Variants in USP34 observed in about 807,000 individuals in gnomAD.
USP34 encodes ubiquitin carboxyl-terminal hydrolase 34.
USP34 carries 70 observed loss-of-function variants against 460.3 expected under a neutral mutation model. The ratio of observed to expected loss-of-function variants is 0.15; its 90% confidence interval spans 0.13 to 0.19. The LOEUF is 0.19. USP34 is among the 10% of genes least tolerant of loss of function. USP34 has a pLI of 1.00. For synonymous variants in USP34, 1,647 were observed against 1,405.3 expected, an observed-to-expected ratio of 1.17 and a Z score of -3.85; for missense variants, 3,985 against 4,236.2, an observed-to-expected ratio of 0.94 and a Z score of 1.65.
At chr2:61,455,407 A>T (rs930838693) in intron 1 of USP34, among the ~76,000 whole-genome samples, 2 of 152,082 alleles carry the variant, frequency 1.3e-5, no homozygotes, top group African/African-American at 4.8e-5. Flanking sequence ...CGAACTCCTG[A>T]GCTCAGGCAA....
At chr2:61,340,217 T>A (rs199889854) in intron 16 of USP34, among the ~76,000 whole-genome samples, 8 of 60,712 alleles carry the variant, frequency 1.3e-4, no homozygotes, top group African/African-American at 3.3e-4. Flanking sequence ...AAAAAAAACT[T>A]AACACTATTT....
In USP34 at chr2:61,287,494, G is replaced by T. The variant is rs545741865; in HGVS notation, c.4749+1183C>A. Among the ~76,000 whole-genome samples the T allele has an allele frequency of 2.6e-5, 4 of 152,280 alleles. No individual in the cohort carries two copies. The South Asian group carries it at 8.3e-4, about 32-fold the overall frequency. ...AGGTCTGAACTGCACAGATCCACTT[G>T]TATCTGGGTTTTCTCCCAACTCTGG... On this transcript the variant is annotated intron_variant, in intron 34 of 79. Coordinates refer to ENST00000398571, the MANE Select transcript of USP34 (RefSeq NM_014709.4).
intron 65 of USP34, 165 bp from the exon 66 acceptor site, chr2:61,221,771 G>T (rs189602515): frequency 3.7e-6 from 2 of 533,532 alleles, no homozygotes; most frequent in Non-Finnish European, 3.1e-6. Context: ...AAAGCAGCAG[G>T]ATCAGCGAGG....
At chr2:61,278,791 A>G (rs1689449974) in intron 39 of USP34, among the ~76,000 whole-genome samples, 2 of 152,092 alleles carry the variant, frequency 1.3e-5, no homozygotes, top group Admixed American at 6.6e-5. Flanking sequence ...AATAAAAAAA[A>G]AAGTCATAGT....
At chr2:61,365,843 C>T (rs1251004167) in intron 10 of USP34, among the ~76,000 whole-genome samples, 1 of 152,128 alleles carries the variant, frequency 6.6e-6, no homozygotes, top group East Asian at 1.9e-4. Flanking sequence ...AAAATCATTA[C>T]TGTACTTTAT....
chr2:61,414,796 T>TA (rs1170629566), intron 2 of USP34, among the ~76,000 whole-genome samples: 1 of 152,208 alleles, frequency 6.6e-6, no homozygotes, highest in African/African-American at 2.4e-5. Context: ...TCCTATTGGT[T>TA]ACTTGGTATA....
intron 4 of USP34, 47 bp from the exon 5 acceptor site, chr2:61,395,049 A>G: frequency 6.5e-7 from 1 of 1,541,280 alleles, no homozygotes; most frequent in East Asian, 2.3e-5. Context: ...CGTACAAATA[A>G]TTTTTATCTT....
chr2:61,256,853 T>A lies in USP34; in HGVS notation c.6126+20A>T. The A allele has an allele frequency of 6.5e-7, 1 of 1,539,172 alleles. No individual in the cohort carries two copies. Among genetic ancestry groups the A allele is most frequent in the Non-Finnish European group, 8.7e-7 (1 of 1,148,146 alleles). On this transcript the variant is annotated intron_variant, in intron 47 of 79. Transcript: ENST00000398571. ...TAGGTAAAAGCATAAAGTAAAAAAA[T>A]TATGTGCATTATTACTCACATAAAT... is the stretch of plus-strand genomic sequence containing the variant.
chr2:61,402,749 T>G (rs1006557955), intron 3 of USP34, among the ~76,000 whole-genome samples: 52 of 152,274 alleles, frequency 3.4e-4, no homozygotes, highest in African/African-American at 1.0e-3. Flanking sequence ...AAGAAAAGAC[T>G]AGATGGACAA....
chr2:61,391,935 G>T (rs1207423704), intron 5 of USP34, among the ~76,000 whole-genome samples: 1 of 152,052 alleles, frequency 6.6e-6, no homozygotes, highest in Non-Finnish European at 1.5e-5. Flanking sequence ...AGATTATATA[G>T]TATTATAGTA....
At chr2:61,389,781 C>A (rs1032392466) in intron 5 of USP34, among the ~76,000 whole-genome samples, 2 of 151,902 alleles carry the variant, frequency 1.3e-5, no homozygotes, top group Non-Finnish European at 2.9e-5. Context: ...CTTCTCCCCA[C>A]CCCCTGCTTA....
chr2:61,249,367 C>A (rs528265264), intron 48 of USP34, among the ~76,000 whole-genome samples: 1 of 152,226 alleles, frequency 6.6e-6, no homozygotes, highest in East Asian at 1.9e-4. Flanking sequence ...CATGGACATG[C>A]TGGACAAAGG....
chr2:61,342,620 C>G (rs1199341994), intron 16 of USP34, among the ~76,000 whole-genome samples: 4 of 151,764 alleles, frequency 2.6e-5, no homozygotes, highest in Non-Finnish European at 5.9e-5. Context: ...CCCTTATTGA[C>G]CATTTCTATG....
rs181769705 is a variant in USP34, at chr2:61,306,428, T to C, written c.3818-4974A>G. Among the ~76,000 whole-genome samples, 212 of 152,348 alleles carry C rather than the reference T, an allele frequency of 1.4e-3. 2 individuals carry two copies. The highest frequency in any genetic ancestry group is 0.011 in the Admixed American group (174 of 15,304). On this transcript the variant is annotated intron_variant, in intron 27 of 79. Coordinates refer to ENST00000398571, the MANE Select transcript of USP34 (RefSeq NM_014709.4). ...GGTTCTGTTCTGTTCCACTGGTCTA[T>C]ATCTCTGTTTTGGTACCAGTACCAT...
chr2:61,192,329 C>G (rs183194148), intron 76 of USP34, among the ~76,000 whole-genome samples: 1 of 152,318 alleles, frequency 6.6e-6, no homozygotes, highest in Non-Finnish European at 1.5e-5. Flanking sequence ...CCCAATTCTG[C>G]CTTTGTAACT....
intron 10 of USP34, among the ~76,000 whole-genome samples, chr2:61,355,415 A>G (rs1572963040): frequency 6.6e-6 from 1 of 152,224 alleles, no homozygotes; most frequent in Admixed American, 6.5e-5. Flanking sequence ...TAGGCACACA[A>G]CATACCAAGT....
chr2:61,445,261 C>T lies in USP34; in HGVS notation c.44-24428G>A, dbSNP rs554247298. Among the ~76,000 whole-genome samples, 6 of 146,316 alleles carry T rather than the reference C, an allele frequency of 4.1e-5. No individual in the cohort carries two copies. The South Asian group carries it at 6.4e-4, about 16-fold the overall frequency. On this transcript the variant is annotated intron_variant, in intron 1 of 79. Coordinates refer to ENST00000398571, the MANE Select transcript of USP34 (RefSeq NM_014709.4). ...AAAAAAAAAAAAAATGCTGGCCGGG[C>T]CCGGTGGCTCACACCTGTAATCCCA...
At chr2:61,272,194 G>A (rs1247800801) in intron 41 of USP34, among the ~76,000 whole-genome samples, 1 of 152,148 alleles carries the variant, frequency 6.6e-6, no homozygotes, top group Non-Finnish European at 1.5e-5. Context: ...GGCAGATCGT[G>A]AGGTCAGGAT....
chr2:61,263,762 G>A (rs577015263), intron 43 of USP34, among the ~76,000 whole-genome samples: 2 of 152,252 alleles, frequency 1.3e-5, no homozygotes, highest in East Asian at 1.9e-4. Flanking sequence ...GATTACAGGC[G>A]TGAGCCACCA....
Sources: gnomAD v4.1 joint callset for allele counts (sites outside exome capture counted in the v4.1 genomes callset) on GRCh38, gnomAD v4.1.1 for gene constraint, MANE v1.5 for transcripts, NCBI Gene and HGNC (gene_info 2026-07-23, HGNC 2026-07-21) for gene names.